The following GRIA4 variants were observed in gnomAD, a reference collection of about 807,000 sequenced individuals.
The protein encoded by GRIA4 is glutamate ionotropic receptor AMPA type subunit 4.
GRIA4 carries 34 observed loss-of-function variants against 104.0 expected under a neutral mutation model. The observed-to-expected ratio is 0.33, with a 90% CI of 0.25 to 0.44. GRIA4 has a LOEUF of 0.44. GRIA4 is among the 20% of genes least tolerant of loss of function. The pLI, the probability that GRIA4 is intolerant of heterozygous loss-of-function variation, is 1.00. For synonymous variants in GRIA4, 386 were observed against 381.9 expected (o/e 1.01, Z -0.13); for missense variants, 750 against 1,096.5 (o/e 0.68, Z 4.46).
chr11:105,807,123 G>T (rs1489374544), intron 4 of GRIA4, among the ~76,000 whole-genome samples: 1 of 151,578 alleles, frequency 6.6e-6, no homozygotes, highest in African/African-American at 2.4e-5. Flanking sequence ...AACAAATGAG[G>T]GAAAAATCCT....
chr11:105,773,623 A>G (rs986791774), intron 4 of GRIA4, among the ~76,000 whole-genome samples: 1 of 152,072 alleles, frequency 6.6e-6, no homozygotes, highest in Non-Finnish European at 1.5e-5. Flanking sequence ...GTATTTCCCA[A>G]GCACAGACAA....
chr11:105,712,638 C>A (rs892618768), intron 3 of GRIA4, among the ~76,000 whole-genome samples: 2 of 151,746 alleles, frequency 1.3e-5, no homozygotes, highest in African/African-American at 4.8e-5. Context: ...TTCCTTGTTT[C>A]TTTTACCATG....
intron 4 of GRIA4, among the ~76,000 whole-genome samples, chr11:105,804,825 A>G (rs931867620): frequency 6.6e-6 from 1 of 151,990 alleles, no homozygotes; most frequent in African/African-American, 2.4e-5. Context: ...GGCAAGTTGT[A>G]TTAGATGTAA....
At chr11:105,909,524 T>C (rs1947158565) in intron 9 of GRIA4, among the ~76,000 whole-genome samples, 1 of 152,172 alleles carries the variant, frequency 6.6e-6, no homozygotes, top group African/African-American at 2.4e-5. Flanking sequence ...GTAATTTATT[T>C]AGCCTTCTAA....
In GRIA4 at chr11:105,844,296, A is replaced by G. The variant is rs184241841; in HGVS notation, c.488-17728A>G. On this transcript the variant is annotated intron_variant, in intron 4 of 16. Transcript: ENST00000282499. ...CTTCAGACATACTTGAAAAGATTTCAGATTATTCTGTGGACAAATAGTCCA... is the reference window on the plus strand; with the variant it reads ...CTTCAGACATACTTGAAAAGATTTCGGATTATTCTGTGGACAAATAGTCCA... Among the ~76,000 whole-genome samples, 420 of 152,366 alleles carry G rather than the reference A, an allele frequency of 2.8e-3. 2 individuals carry two copies. The highest frequency in any genetic ancestry group is 2.4e-3 in the Non-Finnish European group (164 of 68,032).
Position 105,941,558 on chromosome 11 carries a change from A to AT in GRIA4, c.2294+7598dup, listed in dbSNP as rs776863380. Among the ~76,000 whole-genome samples the AT allele has an allele frequency of 7.9e-5, 12 of 151,696 alleles. No individual in the cohort carries two copies. In the East Asian group the frequency reaches 1.2e-3, roughly 15 times the overall value. On this transcript the variant is annotated intron_variant, in intron 14 of 16. Transcript: ENST00000282499. The stretch of plus-strand genomic sequence containing the variant: ...ACTAGATTTTATTGAGCTTTCTTTA[A>AT]TTTTTTTTTAATTCTGGTGTACTCA...
chr11:105,971,640 T>C (rs111484293), intron 14 of GRIA4, among the ~76,000 whole-genome samples: 9 of 152,272 alleles, frequency 5.9e-5, no homozygotes, highest in African/African-American at 2.2e-4. Flanking sequence ...AAATGGTAAA[T>C]GTTCCAGAAA....
chr11:105,662,419 A>G (rs939517628), intron 3 of GRIA4, among the ~76,000 whole-genome samples: 5 of 151,826 alleles, frequency 3.3e-5, no homozygotes, highest in African/African-American at 1.2e-4. Flanking sequence ...TGAGGCAGAA[A>G]GGCATGGAAA....
intron 4 of GRIA4, among the ~76,000 whole-genome samples, chr11:105,813,195 G>A (rs1046345866): frequency 1.3e-5 from 2 of 151,844 alleles, no homozygotes; most frequent in African/African-American, 4.8e-5. Context: ...ATCCTGAGGA[G>A]TGAGACATGC....
intron 5 of GRIA4, among the ~76,000 whole-genome samples, chr11:105,870,894 T>C (rs992504065): frequency 1.3e-5 from 2 of 152,010 alleles, no homozygotes; most frequent in African/African-American, 4.8e-5. Context: ...AGAAAGAAGG[T>C]AGAAAGCCAA....
intron 3 of GRIA4, chr11:105,614,522 A>G (rs1476527932): frequency 3.3e-5 from 5 of 152,038 alleles, no homozygotes; most frequent in South Asian, 2.1e-4. Context: ...TTATTCCTTA[A>G]CATATAAGGA....
intron 3 of GRIA4, among the ~76,000 whole-genome samples, chr11:105,745,454 C>T (rs1302515015): frequency 6.6e-6 from 1 of 152,078 alleles, no homozygotes; most frequent in Non-Finnish European, 1.5e-5. Flanking sequence ...GTAATGGCCA[C>T]TTTGTAGAAG....
At chr11:105,895,252 C>CATGTGTGT (rs141480761) in intron 6 of GRIA4, among the ~76,000 whole-genome samples, 1 of 148,756 alleles carries the variant, frequency 6.7e-6, no homozygotes, top group Admixed American at 6.7e-5. Context: ...CGAGCTCATG[C>CATGTGTGT]GTGTGTGTGT....
chr11:105,668,549 T>C (rs1158187021), intron 3 of GRIA4, among the ~76,000 whole-genome samples: 1 of 151,586 alleles, frequency 6.6e-6, no homozygotes, highest in Non-Finnish European at 1.5e-5. Flanking sequence ...GTAGTTCTAT[T>C]TTTAAATTTT....
In GRIA4 at chr11:105,908,344, C is replaced by G. The variant is rs1947115799; in HGVS notation, c.1159-2091C>G. Among the ~76,000 whole-genome samples, 3 of 152,082 alleles carry G rather than the reference C, an allele frequency of 2.0e-5. 1 individual carries two copies. Among genetic ancestry groups the G allele is most frequent in the Admixed American group, 1.3e-4 (2 of 15,262 alleles). On this transcript the variant is annotated intron_variant, in intron 9 of 16. Transcript: ENST00000282499. ...ACTTTTTGTCTATAGGAAAAATATC[C>G]ATTTCCCTGTCTAATTAAATGAAAT...
intron 4 of GRIA4, among the ~76,000 whole-genome samples, chr11:105,810,620 G>A (rs1434768826): frequency 2.0e-5 from 3 of 152,106 alleles, no homozygotes; most frequent in Admixed American, 6.5e-5. Context: ...TGGGTTAGGG[G>A]GAAAAGAAAA....
chr11:105,795,590 G>A (rs1381575255), intron 4 of GRIA4, among the ~76,000 whole-genome samples: 1 of 152,070 alleles, frequency 6.6e-6, no homozygotes, highest in Non-Finnish European at 1.5e-5. Context: ...TAAGGGTAAT[G>A]GAAAGCTAGT....
chr11:105,894,365 C>A (rs984801817), intron 6 of GRIA4, among the ~76,000 whole-genome samples: 1 of 152,076 alleles, frequency 6.6e-6, no homozygotes, highest in Non-Finnish European at 1.5e-5. Context: ...TTCACCCCCC[C>A]GAGCCTGTTT....
intron 16 of GRIA4, among the ~76,000 whole-genome samples, chr11:105,977,725 C>A (rs1859057679): frequency 6.6e-6 from 1 of 151,986 alleles, no homozygotes; most frequent in Non-Finnish European, 1.5e-5. Flanking sequence ...TATAAATAGT[C>A]CTGCTTTGCT....
Sources: gnomAD v4.1 joint callset for allele counts (sites outside exome capture counted in the v4.1 genomes callset) on GRCh38, gnomAD v4.1.1 for gene constraint, MANE v1.5 for transcripts, NCBI Gene and HGNC (gene_info 2026-07-23, HGNC 2026-07-21) for gene names.